Variants in NRXN1 observed in about 807,000 individuals in gnomAD.
NRXN1 encodes the protein neurexin 1, also known as neurexin-1.
A neutral mutation model predicts 150.9 loss-of-function variants in NRXN1; 39 were observed. The ratio of observed to expected loss-of-function variants is 0.26; its 90% CI spans 0.20 to 0.34. The LOEUF (loss-of-function observed/expected upper bound fraction) is 0.34, where lower values mean the gene tolerates loss of function less well. Ranked by LOEUF, NRXN1 falls within the 10% of genes least tolerant of loss-of-function variation. The pLI is 1.00. For synonymous variants in NRXN1, 924 were observed against 757.0 expected (o/e 1.22, Z -3.62); for missense variants, 1,815 against 1,949.9 (o/e 0.93, Z 1.30).
At chr2:50,504,424 G>A (rs1189298953) in intron 13 of NRXN1, among the ~76,000 whole-genome samples, 1 of 152,164 alleles carries the variant, frequency 6.6e-6, no homozygotes, top group Non-Finnish European at 1.5e-5. Flanking sequence ...AGAAAAGTTA[G>A]AGAGAGAAGA....
chr2:50,071,081 A>G (rs1696227479), intron 19 of NRXN1, among the ~76,000 whole-genome samples: 1 of 152,210 alleles, frequency 6.6e-6, no homozygotes, highest in Non-Finnish European at 1.5e-5. Context: ...ATTGATGCAC[A>G]CACATGTTCT....
At chr2:50,745,978 C>T (rs550768103) in intron 5 of NRXN1, among the ~76,000 whole-genome samples, 2 of 152,242 alleles carry the variant, frequency 1.3e-5, no homozygotes, top group South Asian at 4.2e-4. Context: ...CTCTCACTGC[C>T]AATGGGACAA....
In NRXN1 at chr2:50,538,539, T is replaced by C. The variant is rs1324701043; in HGVS notation, c.1857A>G (p.Pro619=). Residue 619 remains proline, a synonymous_variant, in exon 10 of 23, where the codon CCA becomes CCG. Coordinates refer to ENST00000401669, the MANE Select transcript of NRXN1 (RefSeq NM_001330078.2). ...LDDELYLGGL[P]ENKAGLVFPT... The stretch of plus-strand genomic sequence containing the variant: ...GGAAGACAAGGCCAGCTTTATTTTC[T>C]GGCAGCCCCCCCAGGTACAACTCAT... 8 of 1,590,352 alleles carry C rather than the reference T, an allele frequency of 5.0e-6. No individual in the cohort carries two copies. Among genetic ancestry groups the C allele is most frequent in the African/African-American group, 4.0e-5 (3 of 74,574 alleles).
chr2:50,088,382 GTTCTTTATA>G (rs1413042316), intron 19 of NRXN1, among the ~76,000 whole-genome samples: 1 of 152,058 alleles, frequency 6.6e-6, no homozygotes, highest in African/African-American at 2.4e-5. Flanking sequence ...ACTCCCCTGA[GTTCTTTATA>G]TATTGATCAT....
rs556033430 is a variant in NRXN1, at chr2:50,250,122, T to C, written c.3365-13152A>G. ...ATTAACATCAGTTTATTTTTTGAAA[T>C]AGTATTGCTAATTGCTTCTCTATTC... On this transcript the variant is annotated intron_variant, in intron 17 of 22. Transcript: ENST00000401669. 5.3e-5 allele frequency among the ~76,000 whole-genome samples: 8 copies of C among 152,342 alleles called. No individual in the cohort carries two copies. The East Asian group carries it at 5.8e-4, about 11-fold the overall frequency.
chr2:50,238,897 G>C (rs2065725137), intron 17 of NRXN1, among the ~76,000 whole-genome samples: 1 of 151,956 alleles, frequency 6.6e-6, no homozygotes, highest in South Asian at 2.1e-4. Flanking sequence ...AAAATGCAAA[G>C]CTATAGAGGC....
chr2:50,642,511 G>A (rs1349416195), intron 5 of NRXN1, among the ~76,000 whole-genome samples: 5 of 151,854 alleles, frequency 3.3e-5, no homozygotes, highest in Non-Finnish European at 2.9e-5. Context: ...GAAGAATAAT[G>A]GCAAATGAAG....
At chr2:50,241,720 T>C (rs1352470350) in intron 17 of NRXN1, among the ~76,000 whole-genome samples, 1 of 151,894 alleles carries the variant, frequency 6.6e-6, no homozygotes, top group Non-Finnish European at 1.5e-5. Flanking sequence ...GCCTGTGATG[T>C]TATAATCAGG....
At chr2:50,114,463 T>A (rs969312511) in intron 18 of NRXN1, among the ~76,000 whole-genome samples, 2 of 152,062 alleles carry the variant, frequency 1.3e-5, no homozygotes, top group African/African-American at 4.8e-5. Flanking sequence ...TCTTACTAAA[T>A]CAAACATACT....
At chr2:49,945,997 CCCA>C (rs1169497720) in intron 21 of NRXN1, among the ~76,000 whole-genome samples, 5 of 152,158 alleles carry the variant, frequency 3.3e-5, no homozygotes, top group Non-Finnish European at 7.4e-5. Context: ...AATTTACACT[CCCA>C]CCAACAGTGT....
At chr2:50,796,099 A>G (rs1450745286) in intron 5 of NRXN1, among the ~76,000 whole-genome samples, 3 of 152,060 alleles carry the variant, frequency 2.0e-5, no homozygotes, top group African/African-American at 7.2e-5. Context: ...TAATGGGGGA[A>G]CTTTATGGAA....
At chr2:50,225,755 C>T (rs2064316177) in intron 18 of NRXN1, among the ~76,000 whole-genome samples, 1 of 151,890 alleles carries the variant, frequency 6.6e-6, no homozygotes, top group South Asian at 2.1e-4. Context: ...TTTTTTTAAA[C>T]TGTGTTTCTC....
intron 15 of NRXN1, among the ~76,000 whole-genome samples, chr2:50,486,788 G>C (rs1165141972): frequency 1.3e-5 from 2 of 152,084 alleles, no homozygotes; most frequent in Non-Finnish European, 2.9e-5. Context: ...GCTTGTACTA[G>C]GGTAGTTATG....
chr2:50,273,636 G>A (rs1414717021), intron 17 of NRXN1, among the ~76,000 whole-genome samples: 1 of 151,718 alleles, frequency 6.6e-6, no homozygotes, highest in East Asian at 1.9e-4. Flanking sequence ...ACATAGGAAG[G>A]GCCTGATACA....
At chr2:49,980,410 G>A (rs1160661312) in intron 21 of NRXN1, among the ~76,000 whole-genome samples, 1 of 152,088 alleles carries the variant, frequency 6.6e-6, no homozygotes, top group Non-Finnish European at 1.5e-5. Context: ...ATATCAACAA[G>A]ATTTCAATGA....
chr2:50,846,412 G>C (rs1044857123), intron 5 of NRXN1, among the ~76,000 whole-genome samples: 1 of 152,056 alleles, frequency 6.6e-6, no homozygotes, highest in Admixed American at 6.6e-5. Context: ...CCTCTGGGTC[G>C]GCAAGCAAGA....
intron 5 of NRXN1, among the ~76,000 whole-genome samples, chr2:50,902,700 C>T (rs1372740533): frequency 2.0e-5 from 3 of 152,052 alleles, no homozygotes; most frequent in African/African-American, 7.2e-5. Context: ...TAGCTTTCAC[C>T]ATCAGGTTCT....
chr2:50,473,380 T>C (rs1469595875), intron 15 of NRXN1, among the ~76,000 whole-genome samples: 1 of 151,860 alleles, frequency 6.6e-6, no homozygotes, highest in Admixed American at 6.6e-5. Flanking sequence ...GAGATTACAA[T>C]CTATGTTGGA....
intron 2 of NRXN1, among the ~76,000 whole-genome samples, chr2:51,003,243 A>G (rs894432348): frequency 1.3e-5 from 2 of 151,954 alleles, no homozygotes; most frequent in Non-Finnish European, 2.9e-5. Context: ...CAACCAGTGG[A>G]CCAGTTAGGG....
Sources: allele counts gnomAD v4.1 joint callset (sites outside exome capture counted in the v4.1 genomes callset), GRCh38; gene constraint gnomAD v4.1.1; transcripts MANE v1.5; gene names NCBI Gene and HGNC (gene_info 2026-07-23, HGNC 2026-07-21).